CDH10: variants seen among roughly 807,000 people sequenced by gnomAD.
The protein encoded by CDH10 is cadherin-10.
In CDH10, 30 loss-of-function variants were observed where a neutral mutation model predicts 73.1. That is an observed-to-expected ratio of 0.41 (90% CI 0.31 to 0.56). The LOEUF (loss-of-function observed/expected upper bound fraction) is 0.56, where lower values mean the gene tolerates loss of function less well. CDH10 is among the 20% of genes least tolerant of loss of function. The pLI is 0.27. For synonymous variants in CDH10, 345 were observed against 348.2 expected (o/e 0.99, Z 0.10); for missense variants, 815 against 973.7 (o/e 0.84, Z 2.17).
At chr5:24,585,230 C>T (rs763103280) in intron 2 of CDH10, among the ~76,000 whole-genome samples, 18 of 152,134 alleles carry the variant, frequency 1.2e-4, no homozygotes, top group Non-Finnish European at 1.9e-4. Flanking sequence ...ATCTTATTCT[C>T]ATTTGCCCAG....
At chr5:24,531,481 G>A (rs1184582717) in intron 5 of CDH10, among the ~76,000 whole-genome samples, 2 of 152,086 alleles carry the variant, frequency 1.3e-5, no homozygotes, top group African/African-American at 4.8e-5. Flanking sequence ...ATTTATAAAG[G>A]AAAGACGTTT....
intron 2 of CDH10, among the ~76,000 whole-genome samples, chr5:24,587,854 T>C (rs778419389): frequency 2.6e-5 from 4 of 152,194 alleles, no homozygotes; most frequent in African/African-American, 7.2e-5. Flanking sequence ...TAAAATGATA[T>C]AGTGAGATTT....
At chr5:24,536,787 T>C (rs533500242) in intron 3 of CDH10, among the ~76,000 whole-genome samples, 2 of 152,108 alleles carry the variant, frequency 1.3e-5, no homozygotes, top group South Asian at 4.1e-4. Context: ...TCTGTATCAG[T>C]ATGTATTTAA....
intron 1 of CDH10, among the ~76,000 whole-genome samples, chr5:24,597,380 A>T (rs992509747): frequency 1.3e-5 from 2 of 152,134 alleles, no homozygotes; most frequent in African/African-American, 4.8e-5. Flanking sequence ...ACCTCAAATC[A>T]ACCTCAGAAT....
At chr5:24,607,420 T>A (rs1746797268) in intron 1 of CDH10, among the ~76,000 whole-genome samples, 1 of 152,004 alleles carries the variant, frequency 6.6e-6, no homozygotes, top group South Asian at 2.1e-4. Flanking sequence ...CTTAACAGAG[T>A]CGCATTATTT....
rs2111597744 is a variant in CDH10, at chr5:24,487,661, C to A, written c.*2G>T. On this transcript the variant is annotated 3_prime_UTR_variant, in exon 12 of 12. Coordinates refer to ENST00000264463, the MANE Select transcript of CDH10 (RefSeq NM_006727.5). ...TTGTTTGAACAGAACATATATCCTACGTTAAGAGTCTTTGTCACTTTCCCC... is the reference window on the plus strand; with the variant it reads ...TTGTTTGAACAGAACATATATCCTAAGTTAAGAGTCTTTGTCACTTTCCCC... 6.2e-7 allele frequency: 1 copy of A among 1,607,816 alleles called. No homozygotes were observed. Among genetic ancestry groups the A allele is most frequent in the Non-Finnish European group, 8.5e-7 (1 of 1,176,572 alleles).
At chr5:24,619,709 C>G (rs1248723397) in intron 1 of CDH10, among the ~76,000 whole-genome samples, 1 of 152,014 alleles carries the variant, frequency 6.6e-6, no homozygotes, top group Non-Finnish European at 1.5e-5. Flanking sequence ...GAATCCTAAC[C>G]CCCAAGATAA....
At chr5:24,497,541 C>T (rs1394789174) in intron 9 of CDH10, among the ~76,000 whole-genome samples, 1 of 152,134 alleles carries the variant, frequency 6.6e-6, no homozygotes, top group Non-Finnish European at 1.5e-5. Flanking sequence ...TTGTTAGAAT[C>T]TTCAAAAGGA....
chr5:24,535,316 T>C (rs2111879848), intron 4 of CDH10, 37 bp from the exon 5 acceptor site: 2 of 1,547,834 alleles, frequency 1.3e-6, no homozygotes, highest in South Asian at 1.2e-5. Context: ...TTATCTTCAC[T>C]GAAATCTCCA....
chr5:24,626,671 G>A (rs13169181), intron 1 of CDH10, among the ~76,000 whole-genome samples: 26,252 of 151,566 alleles, frequency 0.17, 2,670 homozygotes, highest in African/African-American at 0.29. Flanking sequence ...AGCTACTCGG[G>A]AGACTGAGGC....
At chr5:24,514,848 C>G (rs191592874) in intron 5 of CDH10, among the ~76,000 whole-genome samples, 1 of 149,302 alleles carries the variant, frequency 6.7e-6, no homozygotes, top group Non-Finnish European at 1.5e-5. Flanking sequence ...TTTAACAAAA[C>G]AAATACAAAT....
chr5:24,588,223 T>G (rs1746087111), intron 2 of CDH10, among the ~76,000 whole-genome samples: 1 of 152,208 alleles, frequency 6.6e-6, no homozygotes, highest in African/African-American at 2.4e-5. Context: ...GAAATTTTTC[T>G]AAGTAAAATT....
In CDH10 at chr5:24,583,701, A is replaced by G. The variant is rs1055403974; in HGVS notation, c.231+9559T>C. ...CACTTTGTTGCCTATGCTGGAGTGC[A>G]GTGGCGCAGTCTCCACTCACTGCAA... On this transcript the variant is annotated intron_variant, in intron 2 of 11. Transcript: ENST00000264463. 3.7e-4 allele frequency among the ~76,000 whole-genome samples: 56 copies of G among 152,160 alleles called. 1 individual carries two copies. Among genetic ancestry groups the G allele is most frequent in the Middle Eastern group, 3.2e-3 (1 of 314 alleles).
chr5:24,553,089 C>T (rs913608104), intron 2 of CDH10, among the ~76,000 whole-genome samples: 1 of 152,080 alleles, frequency 6.6e-6, no homozygotes, highest in African/African-American at 2.4e-5. Context: ...ACAGACAAGA[C>T]CGAATATTAT....
chr5:24,568,195 G>T (rs1745233448), intron 2 of CDH10, among the ~76,000 whole-genome samples: 1 of 151,956 alleles, frequency 6.6e-6, no homozygotes, highest in Admixed American at 6.6e-5. Context: ...AAACCAGAGA[G>T]AAAATATTAA....
chr5:24,556,022 G>A (rs1162531932), intron 2 of CDH10, among the ~76,000 whole-genome samples: 1 of 152,108 alleles, frequency 6.6e-6, no homozygotes. Flanking sequence ...TATTAGCAGA[G>A]GTGGGTGTAA....
chr5:24,573,911 TTC>T (rs951794966), intron 2 of CDH10, among the ~76,000 whole-genome samples: 2 of 150,164 alleles, frequency 1.3e-5, no homozygotes, highest in Non-Finnish European at 3.0e-5. Context: ...TTGAGACGGA[TTC>T]TCTCTCTGTC....
chr5:24,538,379 A>T (rs1282173170), intron 2 of CDH10, among the ~76,000 whole-genome samples: 1 of 152,118 alleles, frequency 6.6e-6, no homozygotes, highest in Non-Finnish European at 1.5e-5. Flanking sequence ...CTACAAGGAC[A>T]AATTCTGTGC....
chr5:24,492,386 T>G (rs1294619412), intron 10 of CDH10, among the ~76,000 whole-genome samples: 1 of 152,220 alleles, frequency 6.6e-6, no homozygotes, highest in African/African-American at 2.4e-5. Context: ...AACAATGCCT[T>G]CGTACTGAAT....
Sources: allele counts gnomAD v4.1 joint callset (sites outside exome capture counted in the v4.1 genomes callset), GRCh38; gene constraint gnomAD v4.1.1; transcripts MANE v1.5; gene names NCBI Gene and HGNC (gene_info 2026-07-23, HGNC 2026-07-21).